DACH2: variants seen among roughly 807,000 people sequenced by gnomAD.
The protein encoded by DACH2 is dachshund family transcription factor 2, also known as dachshund homolog 2.
DACH2 carries 17 observed loss-of-function variants against 35.8 expected under a neutral mutation model. That is an observed-to-expected ratio of 0.48 (90% CI 0.33 to 0.71). The LOEUF is 0.71. Ranked by LOEUF, DACH2 falls within the 30% of genes least tolerant of loss-of-function variation. DACH2 has a pLI of 0.02. For synonymous variants in DACH2, 195 were observed against 177.3 expected (o/e 1.10, Z -0.79); for missense variants, 469 against 472.7 (o/e 0.99, Z 0.07).
chrX:86,179,298 T>C (rs1433244633), intron 1 of DACH2, among the ~76,000 whole-genome samples: 1 of 112,443 alleles, frequency 8.9e-6, no homozygotes, highest in Non-Finnish European at 1.9e-5. Context: ...AAGAAGATAG[T>C]TGTATGAACG....
chrX:86,248,631 A>G (rs1015731878), intron 1 of DACH2, among the ~76,000 whole-genome samples: 3 of 111,366 alleles, frequency 2.7e-5, no homozygotes, highest in Non-Finnish European at 3.8e-5. Flanking sequence ...AAAGCAGTGT[A>G]TAGATTCAAT....
intron 1 of DACH2, among the ~76,000 whole-genome samples, chrX:86,360,380 A>G (rs2035719104): frequency 1.8e-5 from 2 of 111,497 alleles, no homozygotes; most frequent in South Asian, 7.5e-4. Flanking sequence ...TGATATTTGG[A>G]ACTTGAGGGT....
chrX:86,334,596 G>A (rs2035270062), intron 1 of DACH2, among the ~76,000 whole-genome samples: 1 of 112,006 alleles, frequency 8.9e-6, no homozygotes, highest in African/African-American at 3.2e-5. Flanking sequence ...CCCACTTTTT[G>A]ATGGGGTTGT....
intron 5 of DACH2, among the ~76,000 whole-genome samples, chrX:86,698,123 T>A (rs2041088592): frequency 9.0e-6 from 1 of 111,431 alleles, no homozygotes; most frequent in African/African-American, 3.3e-5. Context: ...ATAATTACAC[T>A]GGATTTCTCT....
At chrX:86,765,061 T>C (rs2041918543) in intron 7 of DACH2, among the ~76,000 whole-genome samples, 1 of 111,974 alleles carries the variant, frequency 8.9e-6, no homozygotes, top group African/African-American at 3.2e-5. Flanking sequence ...CCTTTTCCCA[T>C]TTTTAAGTGG....
chrX:86,783,991 A>G (rs759797272), intron 7 of DACH2, among the ~76,000 whole-genome samples: 42 of 111,106 alleles, frequency 3.8e-4, no homozygotes, highest in African/African-American at 1.3e-3. Context: ...TAACTTAAAG[A>G]GAGTAACTGG....
At chrX:86,282,774 C>CTTTTTT (rs746321715) in intron 1 of DACH2, among the ~76,000 whole-genome samples, 1 of 37,753 alleles carries the variant, frequency 2.6e-5, no homozygotes. Flanking sequence ...ACAGACACTT[C>CTTTTTT]TTTTTTTTTT....
chrX:86,234,668 C>T (rs983442936), intron 1 of DACH2, among the ~76,000 whole-genome samples: 27 of 108,087 alleles, frequency 2.5e-4, no homozygotes, highest in African/African-American at 9.1e-4. Flanking sequence ...GGCTGGAGTG[C>T]AGTGGTGCGA....
At chrX:86,428,690 T>C (rs1353543695) in intron 2 of DACH2, among the ~76,000 whole-genome samples, 1 of 110,867 alleles carries the variant, frequency 9.0e-6, no homozygotes, top group African/African-American at 3.3e-5. Flanking sequence ...TTAGTTGATA[T>C]GAAATTTTAA....
intron 1 of DACH2, among the ~76,000 whole-genome samples, chrX:86,344,323 C>CATATATATATATATATATAT (rs761609271): frequency 2.3e-4 from 21 of 90,195 alleles, no homozygotes; most frequent in Non-Finnish European, 4.3e-4. Context: ...CTTGGAAGTG[C>CATATATATATATATATATAT]ATATATATAT....
At chrX:86,704,701 C>A (rs939633611) in intron 5 of DACH2, among the ~76,000 whole-genome samples, 1 of 111,025 alleles carries the variant, frequency 9.0e-6, no homozygotes, top group Non-Finnish European at 1.9e-5. Context: ...AGTGCAATAC[C>A]ACCTTACTCC....
intron 7 of DACH2, among the ~76,000 whole-genome samples, chrX:86,799,954 T>A (rs2042275885): frequency 9.0e-6 from 1 of 111,492 alleles, no homozygotes; most frequent in African/African-American, 3.3e-5. Context: ...CACTCTGAGG[T>A]AGATCTTTAT....
At chrX:86,326,734 A>C (rs921502512) in intron 1 of DACH2, among the ~76,000 whole-genome samples, 1 of 110,308 alleles carries the variant, frequency 9.1e-6, no homozygotes, top group East Asian at 2.9e-4. Context: ...CCTCATCCTT[A>C]TGTCCATGTG....
chrX:86,229,445 T>C (rs2032899608), intron 1 of DACH2, among the ~76,000 whole-genome samples: 1 of 111,975 alleles, frequency 8.9e-6, no homozygotes, highest in Non-Finnish European at 1.9e-5. Flanking sequence ...GCTTTGGCTA[T>C]CCAAGTTCTT....
intron 2 of DACH2, among the ~76,000 whole-genome samples, chrX:86,491,166 C>A (rs919351434): frequency 8.9e-6 from 1 of 111,827 alleles, no homozygotes; most frequent in Non-Finnish European, 1.9e-5. Context: ...AAAACTATAG[C>A]CTAAAATGTG....
intron 1 of DACH2, among the ~76,000 whole-genome samples, chrX:86,202,006 C>T (rs1160352209): frequency 1.8e-5 from 2 of 111,258 alleles, no homozygotes; most frequent in Non-Finnish European, 3.8e-5. Context: ...GAGTAAAAAA[C>T]GTGAAAATTT....
At chrX:86,424,066 A>T (rs192383163) in intron 2 of DACH2, among the ~76,000 whole-genome samples, 1 of 110,598 alleles carries the variant, frequency 9.0e-6, no homozygotes, top group Non-Finnish European at 1.9e-5. Flanking sequence ...TGCCAGTACC[A>T]TCTTGTTTTG....
chrX:86,293,601 T>A (rs757944713), intron 1 of DACH2, among the ~76,000 whole-genome samples: 1 of 110,710 alleles, frequency 9.0e-6, no homozygotes, highest in East Asian at 2.9e-4. Flanking sequence ...CTTCAGGAGC[T>A]CTTTTAGGGC....
intron 2 of DACH2, among the ~76,000 whole-genome samples, chrX:86,438,945 T>G (rs1052830032): frequency 1.8e-5 from 2 of 112,303 alleles, no homozygotes; most frequent in Non-Finnish European, 3.8e-5. Context: ...ATCTTTTATT[T>G]TTAGTTTGTT....
Sources: allele counts gnomAD v4.1 joint callset (sites outside exome capture counted in the v4.1 genomes callset), GRCh38; gene constraint gnomAD v4.1.1; transcripts MANE v1.5; gene names NCBI Gene and HGNC (gene_info 2026-07-23, HGNC 2026-07-21).